SLC24A2: variants seen among roughly 807,000 people sequenced by gnomAD.
The protein encoded by SLC24A2 is sodium/potassium/calcium exchanger 2.
In SLC24A2, 36 loss-of-function variants were observed where a neutral mutation model predicts 62.0. The observed-to-expected ratio is 0.58, with a 90% CI of 0.44 to 0.77. The LOEUF is 0.77. Among genes scored for constraint, SLC24A2 ranks in the 30% least tolerant of loss-of-function variants. The probability of loss-of-function intolerance (pLI) is 0.00; values close to 1 mark genes in which losing one functional copy is unlikely to be tolerated. For synonymous variants in SLC24A2, 358 were observed against 294.0 expected (o/e 1.22, Z -2.23); for missense variants, 846 against 817.9 (o/e 1.03, Z -0.42).
chr9:19,859,748 C>A, the SLC24A2 span, among the ~76,000 whole-genome samples: 1 of 152,354 alleles, frequency 6.6e-6, no homozygotes, highest in Admixed American at 6.5e-5. Flanking sequence ...CATCCCCTTG[C>A]AGTGGCAGCA....
chr9:19,574,702 G>C (rs903607353), intron 6 of SLC24A2, among the ~76,000 whole-genome samples: 5 of 152,138 alleles, frequency 3.3e-5, no homozygotes, highest in African/African-American at 1.2e-4. Context: ...CCTTTCACTA[G>C]AATAATTTTT....
intron 2 of SLC24A2, among the ~76,000 whole-genome samples, chr9:19,629,483 C>T (rs1162820084): frequency 6.6e-6 from 1 of 152,162 alleles, no homozygotes; most frequent in African/African-American, 2.4e-5. Context: ...TCTCTTCCAG[C>T]ATCATTACTT....
intron 2 of SLC24A2, among the ~76,000 whole-genome samples, chr9:19,773,145 T>A (rs931062527): frequency 6.6e-6 from 1 of 152,176 alleles, no homozygotes; most frequent in Non-Finnish European, 1.5e-5. Flanking sequence ...TAGTGGCTAC[T>A]GGGGGCTGGG....
At chr9:19,848,948 C>T in the SLC24A2 span, among the ~76,000 whole-genome samples, 8 of 152,210 alleles carry the variant, frequency 5.3e-5, no homozygotes, top group Non-Finnish European at 8.8e-5. Context: ...ATGCCCCAGG[C>T]ACTGGGGATA....
chr9:19,826,150 A>G, the SLC24A2 span, among the ~76,000 whole-genome samples: 1 of 141,842 alleles, frequency 7.1e-6, no homozygotes, highest in South Asian at 2.4e-4. Flanking sequence ...TGACAGAAGT[A>G]GTTTCAGAAG....
chr9:19,657,006 G>C (rs1345194860), intron 2 of SLC24A2, among the ~76,000 whole-genome samples: 1 of 152,196 alleles, frequency 6.6e-6, no homozygotes, highest in African/African-American at 2.4e-5. Flanking sequence ...TTGTTGGCTG[G>C]TGGTTTTGGG....
chr9:19,587,165 G>A (rs575317918), intron 5 of SLC24A2, among the ~76,000 whole-genome samples: 13 of 152,260 alleles, frequency 8.5e-5, no homozygotes, highest in East Asian at 3.9e-4. Context: ...CTGATTTACC[G>A]TATCTGGAAA....
the SLC24A2 span, among the ~76,000 whole-genome samples, chr9:20,122,744 C>T: frequency 6.6e-6 from 1 of 152,110 alleles, no homozygotes; most frequent in African/African-American, 2.4e-5. Flanking sequence ...TTGACTTATC[C>T]CCTCTTTTGA....
At chr9:19,822,442 C>T in the SLC24A2 span, among the ~76,000 whole-genome samples, 6 of 152,100 alleles carry the variant, frequency 3.9e-5, no homozygotes, top group Non-Finnish European at 5.9e-5. Context: ...ACATTTCTTT[C>T]AGGGCCTGTG....
the SLC24A2 span, among the ~76,000 whole-genome samples, chr9:20,230,802 C>T: frequency 1.3e-5 from 2 of 152,092 alleles, no homozygotes; most frequent in Non-Finnish European, 2.9e-5. Flanking sequence ...ACATGAAGTC[C>T]TTGCCCATGC....
At chr9:19,996,999 G>A in the SLC24A2 span, among the ~76,000 whole-genome samples, 1 of 151,874 alleles carries the variant, frequency 6.6e-6, no homozygotes, top group Admixed American at 6.6e-5. Context: ...GAGACAACGA[G>A]TTGGGAGACT....
At chr9:19,748,418 A>T (rs925167535) in intron 2 of SLC24A2, among the ~76,000 whole-genome samples, 5 of 152,192 alleles carry the variant, frequency 3.3e-5, no homozygotes, top group Admixed American at 1.3e-4. Context: ...GAAGTTTTAG[A>T]CTGGCCTCCA....
At chr9:20,036,496 C>A in the SLC24A2 span, among the ~76,000 whole-genome samples, 3 of 152,308 alleles carry the variant, frequency 2.0e-5, no homozygotes, top group African/African-American at 4.8e-5. Context: ...CATTCCCCCC[C>A]ACTACCCAGT....
chr9:19,894,727 G>C, the SLC24A2 span, among the ~76,000 whole-genome samples: 1 of 151,944 alleles, frequency 6.6e-6, no homozygotes, highest in Non-Finnish European at 1.5e-5. Context: ...AATGGGACAA[G>C]GTATATTTAT....
chr9:19,731,537 G>GTGTC lies in SLC24A2; in HGVS notation c.930+54399_930+54400insGACA, dbSNP rs1554707811. Among the ~76,000 whole-genome samples, 55 of 125,080 alleles carry GTGTC rather than the reference G, an allele frequency of 4.4e-4. 1 individual carries two copies. Among genetic ancestry groups the GTGTC allele is most frequent in the Middle Eastern group, 7.9e-3 (2 of 252 alleles). 82.1% of individuals were successfully genotyped at this position (125,080 alleles called of 152,430 possible). On this transcript the variant is annotated intron_variant, in intron 2 of 10. Transcript: ENST00000341998. ...TCTCCGTGTGTGTGTGTGTGTGTGT[G>GTGTC]TGTGTGCATGTGTGCACATGCACAC...
At chr9:20,200,483 C>G in the SLC24A2 span, among the ~76,000 whole-genome samples, 1 of 152,226 alleles carries the variant, frequency 6.6e-6, no homozygotes, top group African/African-American at 2.4e-5. Flanking sequence ...AAATGTATCT[C>G]TAACTCAACT....
At chr9:20,045,462 C>T in the SLC24A2 span, among the ~76,000 whole-genome samples, 4 of 152,078 alleles carry the variant, frequency 2.6e-5, no homozygotes, top group Non-Finnish European at 5.9e-5. Context: ...GACAGAGTCT[C>T]GCACTGTCGC....
At chr9:19,526,405 A>C (rs938161112) in intron 9 of SLC24A2, among the ~76,000 whole-genome samples, 1 of 152,260 alleles carries the variant, frequency 6.6e-6, no homozygotes, top group African/African-American at 2.4e-5. Flanking sequence ...CTCTATGTTT[A>C]ATGTTTTGTG....
chr9:19,701,510 A>G (rs1419692267), intron 2 of SLC24A2, among the ~76,000 whole-genome samples: 1 of 152,210 alleles, frequency 6.6e-6, no homozygotes, highest in African/African-American at 2.4e-5. Flanking sequence ...GTTGCTGTAA[A>G]AAAATTACCA....
Sources: gnomAD v4.1 joint callset for allele counts (sites outside exome capture counted in the v4.1 genomes callset) on GRCh38, gnomAD v4.1.1 for gene constraint, MANE v1.5 for transcripts, NCBI Gene and HGNC (gene_info 2026-07-23, HGNC 2026-07-21) for gene names.